METTL21C: variants seen among roughly 807,000 people sequenced by gnomAD.
The protein encoded by METTL21C is methyltransferase 21C, AARS1 lysine, also known as protein-lysine methyltransferase METTL21C.
A neutral mutation model predicts 25.9 loss-of-function variants in METTL21C; 21 were observed. The observed-to-expected ratio is 0.81, with a 90% confidence interval of 0.58 to 1.17. METTL21C has a LOEUF of 1.17. Ranked by LOEUF, METTL21C falls within the 50% of genes most tolerant of loss-of-function variation. METTL21C has a pLI of 0.00. For synonymous variants in METTL21C, 125 were observed against 124.7 expected, an observed-to-expected ratio of 1.00 and a Z score of -0.01; for missense variants, 312 against 315.1, an observed-to-expected ratio of 0.99 and a Z score of 0.07.
At chr13:102,692,628 G>A (rs1014294089) in intron 1 of METTL21C, among the ~76,000 whole-genome samples, 1 of 152,180 alleles carries the variant, frequency 6.6e-6, no homozygotes, top group Non-Finnish European at 1.5e-5. Context: ...GGTGCCTTCA[G>A]TTCTTCAGAG....
At chr13:102,702,424 G>C in the METTL21C span, among the ~76,000 whole-genome samples, 2 of 152,068 alleles carry the variant, frequency 1.3e-5, no homozygotes, top group Admixed American at 6.5e-5. Context: ...ATAAAAGCAA[G>C]GAAATGAAAT....
Position 102,690,939 on chromosome 13 carries a change from A to G in METTL21C, c.156T>C (p.Leu52=). The part of the protein sequence containing the change: ...LEESNKIEPS[L]HSLQKFVPTD... ...TAGGAACAAATTTCTGGAGGCTATGAAGAGATGGTTCTATCTTGTTGGATT... is the reference window on the plus strand; with the variant it reads ...TAGGAACAAATTTCTGGAGGCTATGGAGAGATGGTTCTATCTTGTTGGATT... Residue 52 remains leucine, a synonymous_variant, in exon 2 of 4, where the codon CTT becomes CTC. Coordinates refer to ENST00000267273, the MANE Select transcript of METTL21C (RefSeq NM_001010977.3). 1 of 1,614,184 alleles carries G rather than the reference A, an allele frequency of 6.2e-7. No homozygotes were observed. The highest frequency in any genetic ancestry group is 8.5e-7 in the Non-Finnish European group (1 of 1,180,030).
At chr13:102,697,337 A>C (rs1424318661), upstream of METTL21C, among the ~76,000 whole-genome samples, 2 of 152,012 alleles carry the variant, frequency 1.3e-5, no homozygotes, top group Non-Finnish European at 2.9e-5. Flanking sequence ...AGACATTATT[A>C]GTTATCGCAA....
At chr13:102,702,368 C>G in the METTL21C span, among the ~76,000 whole-genome samples, 1 of 152,074 alleles carries the variant, frequency 6.6e-6, no homozygotes, top group Non-Finnish European at 1.5e-5. Context: ...ACAATATCCA[C>G]TGTCACTGTT....
chr13:102,687,155 AT>A (rs1431240684), intron 2 of METTL21C, 98 bp from the exon 3 acceptor site: 3 of 841,112 alleles, frequency 3.6e-6, no homozygotes, highest in Admixed American at 1.9e-5. Flanking sequence ...AAGACATGTT[AT>A]TACATATGTT....
At chr13:102,695,679 C>A (rs1388603012), upstream of METTL21C, among the ~76,000 whole-genome samples, 1 of 152,164 alleles carries the variant, frequency 6.6e-6, no homozygotes, top group Non-Finnish European at 1.5e-5. Flanking sequence ...GCTGTGGTCC[C>A]ATGTAAATCA....
upstream of METTL21C, among the ~76,000 whole-genome samples, chr13:102,697,977 A>G (rs188226794): frequency 6.6e-6 from 1 of 152,268 alleles, no homozygotes; most frequent in East Asian, 1.9e-4. Flanking sequence ...TCAGCTACAC[A>G]TGCAGAGCAG....
upstream of METTL21C, among the ~76,000 whole-genome samples, chr13:102,698,024 C>T (rs1240860838): frequency 1.3e-5 from 2 of 152,166 alleles, no homozygotes; most frequent in Non-Finnish European, 1.5e-5. Flanking sequence ...CACACATGAG[C>T]GAGGCCAGGA....
the METTL21C span, among the ~76,000 whole-genome samples, chr13:102,700,640 C>A: frequency 6.6e-6 from 1 of 152,188 alleles, no homozygotes. Context: ...ACTCTGGCAA[C>A]GACATTTATT....
In METTL21C at chr13:102,694,656, A is replaced by C. The variant is rs553810549; in HGVS notation, c.-158T>G. 3.3e-5 allele frequency among the ~76,000 whole-genome samples: 5 copies of C among 151,550 alleles called. No homozygotes were observed. In the East Asian group the frequency reaches 8.0e-4, roughly 24 times the overall value. The stretch of plus-strand genomic sequence containing the variant: ...GAAATGACTCCTTGTTAGTATGCCC[A>C]AAATAATTTTGAATTGTTACACGTA... On this transcript the variant is annotated 5_prime_UTR_variant, in exon 1 of 4. Transcript: ENST00000267273.
At chr13:102,703,095 A>T in the METTL21C span, among the ~76,000 whole-genome samples, 1 of 152,196 alleles carries the variant, frequency 6.6e-6, no homozygotes, top group Non-Finnish European at 1.5e-5. Flanking sequence ...TTGCAGTGGG[A>T]TAGAGGTAAC....
intron 2 of METTL21C, among the ~76,000 whole-genome samples, chr13:102,689,111 AG>A (rs1885759667): frequency 6.7e-6 from 1 of 148,802 alleles, no homozygotes; most frequent in Non-Finnish European, 1.5e-5. Flanking sequence ...TATTTTTAAA[AG>A]GGAGATGGGG....
intron 1 of METTL21C, among the ~76,000 whole-genome samples, chr13:102,691,711 C>T (rs1885835014): frequency 6.6e-6 from 1 of 152,214 alleles, no homozygotes; most frequent in African/African-American, 2.4e-5. Flanking sequence ...GGAGCATGTT[C>T]CTTCAATCTT....
chr13:102,694,553 C>A lies in METTL21C; in HGVS notation c.-55G>T. ...TGAAAAGCAATCTACAAAAGAACGA[C>A]TATAATCTACTGACTGACTGTTACT... On this transcript the variant is annotated 5_prime_UTR_variant, in exon 1 of 4. Transcript: ENST00000267273. 7.3e-6 allele frequency: 1 copy of A among 137,202 alleles called. No homozygotes were observed. Among genetic ancestry groups the A allele is most frequent in the Non-Finnish European group, 8.0e-6 (1 of 124,742 alleles). 8.5% of individuals were successfully genotyped at this position (137,202 alleles called of 1,614,324 possible). A position where few individuals can be genotyped will look rare whatever the true frequency, so the allele number is the denominator to read the frequency against.
chr13:102,691,044 T>A, intron 1 of METTL21C, 80 bp from the exon 2 acceptor site: 6 of 1,478,634 alleles, frequency 4.1e-6, no homozygotes, highest in Non-Finnish European at 5.6e-6. Context: ...ATTGCTAAGA[T>A]GGCATTAGAT....
chr13:102,700,845 G>A, the METTL21C span, among the ~76,000 whole-genome samples: 1 of 152,028 alleles, frequency 6.6e-6, no homozygotes, highest in Non-Finnish European at 1.5e-5. Context: ...GCTGCCCCAT[G>A]ACTCTGACAC....
chr13:102,689,436 C>T (rs1226533319), intron 2 of METTL21C, among the ~76,000 whole-genome samples: 1 of 152,182 alleles, frequency 6.6e-6, no homozygotes, highest in East Asian at 1.9e-4. Context: ...CACCTAAGAG[C>T]CTGAAGCCCT....
chr13:102,695,143 A>G (rs1160073163), upstream of METTL21C, among the ~76,000 whole-genome samples: 1 of 152,066 alleles, frequency 6.6e-6, no homozygotes, highest in Non-Finnish European at 1.5e-5. Flanking sequence ...CACAGGGAGG[A>G]CATGCCCACC....
the METTL21C span, among the ~76,000 whole-genome samples, chr13:102,701,619 G>GTGTGTA: frequency 6.6e-6 from 1 of 152,048 alleles, no homozygotes. Context: ...GTGTGTGTGT[G>GTGTGTA]TGTGTATGTG....
Sources: gnomAD v4.1 joint callset for allele counts (sites outside exome capture counted in the v4.1 genomes callset) on GRCh38, gnomAD v4.1.1 for gene constraint, MANE v1.5 for transcripts, NCBI Gene and HGNC (gene_info 2026-07-23, HGNC 2026-07-21) for gene names.